The following RTTN variants were observed in gnomAD, a reference collection of about 807,000 sequenced individuals.
The protein encoded by RTTN is rotatin.
RTTN carries 182 observed loss-of-function variants against 269.2 expected under a neutral mutation model. The observed-to-expected ratio is 0.68, with a 90% CI of 0.60 to 0.76. RTTN has a LOEUF of 0.76. Among genes scored for constraint, RTTN ranks in the 30% least tolerant of loss-of-function variants. RTTN has a pLI of 0.00. For missense variants in RTTN, 2,545 were observed against 2,608.6 expected, an observed-to-expected ratio of 0.98 and a Z score of 0.53; for synonymous variants, 1,006 against 963.5, an observed-to-expected ratio of 1.04 and a Z score of -0.82.
rs115237087 is a variant in RTTN, at chr18:70,183,096, A to G, written c.1305+5012T>C. ...TCCTGTCCTTCCCCAGAAATCAACT[A>G]GAAAGTGGCATAGTGTCATTGCAGG... On this transcript the variant is annotated intron_variant, in intron 10 of 48. Transcript: ENST00000640769. Among the ~76,000 whole-genome samples the G allele has an allele frequency of 2.9e-3, 438 of 152,334 alleles. 1 individual carries two copies. Among genetic ancestry groups the G allele is most frequent in the African/African-American group, 9.8e-3 (406 of 41,574 alleles).
chr18:70,009,274 G>A (rs1236274268), intron 46 of RTTN, among the ~76,000 whole-genome samples: 6 of 151,866 alleles, frequency 4.0e-5, no homozygotes, highest in Admixed American at 6.6e-5. Context: ...TAGCTGGGAC[G>A]ACAGGTGGGC....
intron 14 of RTTN, among the ~76,000 whole-genome samples, chr18:70,163,159 G>T (rs906510919): frequency 1.3e-5 from 2 of 150,590 alleles, no homozygotes; most frequent in African/African-American, 4.9e-5. Context: ...CGAGGTGGGT[G>T]GATCATGAGG....
At chr18:70,068,600 G>C (rs2058211039) in intron 34 of RTTN, among the ~76,000 whole-genome samples, 1 of 152,174 alleles carries the variant, frequency 6.6e-6, no homozygotes, top group Non-Finnish European at 1.5e-5. Context: ...AGGAGGAATT[G>C]GCTTAGTTTA....
intron 28 of RTTN, among the ~76,000 whole-genome samples, chr18:70,101,682 T>C (rs1361768323): frequency 6.6e-6 from 1 of 152,232 alleles, no homozygotes; most frequent in Non-Finnish European, 1.5e-5. Context: ...GTGTCAATTT[T>C]AGATCTTTCC....
chr18:70,155,324 C>T (rs77981282), intron 14 of RTTN, among the ~76,000 whole-genome samples: 3,182 of 152,150 alleles, frequency 0.021, 48 homozygotes, highest in Middle Eastern at 0.037. Flanking sequence ...CCAAAGAAGA[C>T]CTGAAAATCA....
chr18:70,145,392 T>G (rs2060362240), intron 18 of RTTN, among the ~76,000 whole-genome samples: 1 of 152,150 alleles, frequency 6.6e-6, no homozygotes, highest in Non-Finnish European at 1.5e-5. Context: ...AAAATTGTCC[T>G]GTGAAACTGG....
At chr18:70,068,432 T>C (rs1448355780) in intron 34 of RTTN, among the ~76,000 whole-genome samples, 3 of 152,168 alleles carry the variant, frequency 2.0e-5, no homozygotes, top group Non-Finnish European at 4.4e-5. Flanking sequence ...CATGACAGCA[T>C]AAATTCGTTA....
Position 70,202,003 on chromosome 18 carries a change from T to C in RTTN, c.398-20A>G, listed in dbSNP as rs923678909. 11 of 1,389,212 alleles carry C rather than the reference T, an allele frequency of 7.9e-6. No homozygotes were observed. In the Admixed American group the frequency reaches 1.7e-4, roughly 22 times the overall value. The allele number at this position is 1,389,212 out of a possible 1,614,324, so 86.1% of individuals were successfully genotyped here. A position where few individuals can be genotyped will look rare whatever the true frequency, so the allele number is the denominator to read the frequency against. ...ACAATTCTGAAAAGGAAATAAACATTACTGTATTGTCGATTCCTTATTTGC... is the reference window on the plus strand; with the variant it reads ...ACAATTCTGAAAAGGAAATAAACATCACTGTATTGTCGATTCCTTATTTGC... On this transcript the variant is annotated intron_variant, in intron 3 of 48. Coordinates refer to ENST00000640769, the MANE Select transcript of RTTN (RefSeq NM_173630.4).
chr18:70,168,340 G>A (rs1322504324), intron 12 of RTTN, among the ~76,000 whole-genome samples: 4 of 151,956 alleles, frequency 2.6e-5, no homozygotes, highest in Non-Finnish European at 5.9e-5. Context: ...GATAAATACC[G>A]ACACATAATT....
At chr18:70,200,665 G>C (rs2061923537) in intron 4 of RTTN, among the ~76,000 whole-genome samples, 1 of 152,178 alleles carries the variant, frequency 6.6e-6, no homozygotes, top group Non-Finnish European at 1.5e-5. Flanking sequence ...GCTTCCAAAT[G>C]GAGTTCATTT....
At chr18:70,152,974 A>G (rs184094159) in intron 14 of RTTN, among the ~76,000 whole-genome samples, 27 of 152,096 alleles carry the variant, frequency 1.8e-4, no homozygotes, top group African/African-American at 5.3e-4. Context: ...TTCAGACCCA[A>G]TCTGGTACCA....
intron 37 of RTTN, among the ~76,000 whole-genome samples, chr18:70,055,098 C>T (rs2057779587): frequency 6.6e-6 from 1 of 152,086 alleles, no homozygotes; most frequent in Non-Finnish European, 1.5e-5. Context: ...ATATTACCAA[C>T]AAAACCATCT....
intron 46 of RTTN, chr18:70,008,022 TG>T (rs949139279): frequency 1.9e-5 from 3 of 155,734 alleles, no homozygotes; most frequent in Non-Finnish European, 4.2e-5. Context: ...AGCTGGCATC[TG>T]GGGGGTGCCC....
intron 10 of RTTN, among the ~76,000 whole-genome samples, chr18:70,177,717 C>T (rs1367385276): frequency 6.6e-6 from 1 of 151,784 alleles, no homozygotes; most frequent in Non-Finnish European, 1.5e-5. Flanking sequence ...TCTAATATAC[C>T]AGAATTTCTT....
At chr18:70,133,329 T>C (rs1472773229) in intron 23 of RTTN, among the ~76,000 whole-genome samples, 1 of 152,156 alleles carries the variant, frequency 6.6e-6, no homozygotes, top group African/African-American at 2.4e-5. Flanking sequence ...TTTCCACTGA[T>C]GGTAGGAATG....
In RTTN at chr18:70,017,507, C is replaced by T. The variant is rs375354019; in HGVS notation, c.6321G>A (p.Glu2107=). 3.7e-6 allele frequency: 6 copies of T among 1,613,930 alleles called. No homozygotes were observed. The highest frequency in any genetic ancestry group is 5.1e-6 in the Non-Finnish European group (6 of 1,179,970). ...TGCTCTTGTGCTTGTATTTGCTCAT[C>T]TCTGTTAGTAAGTCTAGACAGCCAT... ...RLDGCLDLLT[E]MSKYKHKSSP... The change falls in exon 46 of 49, where the codon GAG becomes GAA. Residue 2107 remains glutamate (E), a synonymous_variant. Coordinates refer to ENST00000640769, the MANE Select transcript of RTTN (RefSeq NM_173630.4).
At chr18:70,030,460 T>C (rs1209977622) in intron 41 of RTTN, among the ~76,000 whole-genome samples, 1 of 152,314 alleles carries the variant, frequency 6.6e-6, no homozygotes, top group East Asian at 1.9e-4. Flanking sequence ...AAATGAGAAA[T>C]TACAACACTC....
intron 46 of RTTN, among the ~76,000 whole-genome samples, chr18:70,011,031 A>G (rs1341923766): frequency 6.6e-6 from 1 of 152,192 alleles, no homozygotes; most frequent in Non-Finnish European, 1.5e-5. Context: ...TCCCAAGACT[A>G]AACTAGGAAG....
rs34966295 is a variant in RTTN at position 70,201,607 on chromosome 18, C to CA, written c.487+286dup. 0.22 allele frequency among the ~76,000 whole-genome samples: 9,048 copies of CA among 41,002 alleles called. 3,665 individuals are homozygous for CA. Among genetic ancestry groups the CA allele is most frequent in the South Asian group, 0.29 (166 of 566 alleles). The allele number at this position is 41,002 out of a possible 152,430, so 26.9% of individuals were successfully genotyped here. A position where few individuals can be genotyped will look rare whatever the true frequency, so the allele number is the denominator to read the frequency against. On this transcript the variant is annotated intron_variant, in intron 4 of 48. Transcript: ENST00000640769. Reference sequence around the variant, plus strand: ...TGGGCGACAGAGCGAGACTCCATCTCAAAAAAAAAAAAAAAAAAAAAAAAA... The same window carrying CA: ...TGGGCGACAGAGCGAGACTCCATCTCAAAAAAAAAAAAAAAAAAAAAAAAAA...
Sources: gnomAD v4.1 joint callset for allele counts (sites outside exome capture counted in the v4.1 genomes callset) on GRCh38, gnomAD v4.1.1 for gene constraint, MANE v1.5 for transcripts, NCBI Gene and HGNC (gene_info 2026-07-23, HGNC 2026-07-21) for gene names.